Variants in KIF3C observed in about 807,000 individuals in gnomAD.
KIF3C encodes the protein kinesin-like protein KIF3C.
A neutral mutation model predicts 67.7 loss-of-function variants in KIF3C; 12 were observed. That is an observed-to-expected ratio of 0.18 (90% CI 0.11 to 0.29). KIF3C has a LOEUF of 0.29. Among genes scored for constraint, KIF3C ranks in the 10% least tolerant of loss-of-function variants. KIF3C has a pLI of 1.00. For synonymous variants in KIF3C, 393 were observed against 426.2 expected (o/e 0.92, Z 0.96); for missense variants, 789 against 1,059.6 (o/e 0.74, Z 3.55).
In KIF3C at chr2:25,980,509, T is replaced by C. The variant is rs754569210; in HGVS notation, c.1409A>G (p.Glu470Gly). ...YLQEQKERLE[E>G]EKAAIQDDRS... ...GTCATCCTGGATGGCTGCCTTCTCC[T>C]CCTCCAGCCGCTCCTTCTGTTCCTG... Residue 470 changes from glutamate to glycine, a missense_variant, in exon 1 of 8, where the codon GAG becomes GGG. Around this residue, in one of 2 missense-constraint regions of KIF3C, gnomAD observed 648 missense variants for 807.8 expected, o/e 0.80. Coordinates refer to ENST00000264712, the MANE Select transcript of KIF3C (RefSeq NM_002254.8). The surrounding 1 kb of genome is among the most constrained non-coding windows in gnomAD (Gnocchi z 7.6). 1 of 1,614,110 alleles carries C rather than the reference T, an allele frequency of 6.2e-7. No homozygotes were observed. Among genetic ancestry groups the C allele is most frequent in the Non-Finnish European group, 8.5e-7 (1 of 1,180,012 alleles).
intron 5 of KIF3C, among the ~76,000 whole-genome samples, chr2:25,948,172 T>C (rs1663495794): frequency 6.6e-6 from 1 of 151,900 alleles, no homozygotes; most frequent in Non-Finnish European, 1.5e-5. Context: ...CAGTGAGCTG[T>C]GATCACACCA....
intron 1 of KIF3C, among the ~76,000 whole-genome samples, chr2:25,970,247 C>G (rs1473608624): frequency 2.6e-5 from 4 of 152,112 alleles, no homozygotes; most frequent in African/African-American, 7.2e-5. Flanking sequence ...TAACTCTGGC[C>G]CTACCACTTT....
In KIF3C at chr2:25,955,704, A is replaced by G. The variant is rs1341023822; in HGVS notation, c.1648-41T>C. ...GCAGTGTGGCTCAAAGGAGCAGTGC[A>G]TACTCGGGAGGGCCAGGAAAGCTCA... On this transcript the variant is annotated intron_variant, in intron 2 of 7. Coordinates refer to ENST00000264712, the MANE Select transcript of KIF3C (RefSeq NM_002254.8). The surrounding 1 kb of genome is among the most constrained non-coding windows in gnomAD (Gnocchi z 5.0). The G allele has an allele frequency of 1.1e-5, 17 of 1,609,154 alleles. No homozygotes were observed. The highest frequency in any genetic ancestry group is 1.4e-5 in the Non-Finnish European group (17 of 1,176,494).
At position 25,930,012 on chromosome 2, in the gene KIF3C, C is replaced by T. The variant is rs1278818702; in HGVS notation, c.2058G>A (p.Arg686=). 1.2e-6 allele frequency: 2 copies of T among 1,614,136 alleles called. No individual in the cohort carries two copies. Among genetic ancestry groups the T allele is most frequent in the African/African-American group, 2.7e-5 (2 of 75,050 alleles). The stretch of plus-strand genomic sequence containing the variant: ...CAACCCGAGCATACTGGCTGATAGG[C>T]CTCTTGTAGCCCACTGCAGATGTTG... The part of the protein sequence containing the change: ...KRPTSAVGYK[R]PISQYARVAM... Residue 686 remains arginine, a synonymous_variant, in exon 6 of 8, where the codon AGG becomes AGA. Coordinates refer to ENST00000264712, the MANE Select transcript of KIF3C (RefSeq NM_002254.8).
At chr2:25,974,217 G>A (rs1427801875) in intron 1 of KIF3C, among the ~76,000 whole-genome samples, 1 of 151,978 alleles carries the variant, frequency 6.6e-6, no homozygotes, top group Non-Finnish European at 1.5e-5. Context: ...CTACAGACGC[G>A]CGCCACCAAG....
intron 5 of KIF3C, among the ~76,000 whole-genome samples, chr2:25,933,866 C>CAT (rs2149222248): frequency 6.6e-6 from 1 of 152,096 alleles, no homozygotes; most frequent in Non-Finnish European, 1.5e-5. Flanking sequence ...CACTACTAGG[C>CAT]ATATACTCAA....
Position 25,930,051 on chromosome 2 carries a change from C to A in KIF3C, c.2019G>T (p.Gln673His). The change falls in exon 6 of 8, where the codon CAG becomes CAT. Residue 673 changes from glutamine to histidine, a missense_variant. Around this residue, in one of 2 missense-constraint regions of KIF3C, gnomAD observed 648 missense variants for 807.8 expected, o/e 0.80. Coordinates refer to ENST00000264712, the MANE Select transcript of KIF3C (RefSeq NM_002254.8). ...CTGCAGATGTTGGCCGCTTCTTCAT[C>A]TGGCTGCTACTGCTGTAGGAAAGAG... ...PLVPAGVSSS[Q>H]MKKRPTSAVG... is the part of the protein sequence containing the mutation. 1 of 1,613,650 alleles carries A rather than the reference C, an allele frequency of 6.2e-7. No homozygotes were observed. The highest frequency in any genetic ancestry group is 8.5e-7 in the Non-Finnish European group (1 of 1,179,526).
At position 25,929,985 on chromosome 2, in the gene KIF3C, G is replaced by A. The variant is rs551782733; in HGVS notation, c.2085C>T (p.Ala695=). 1 of 1,613,974 alleles carries A rather than the reference G, an allele frequency of 6.2e-7. No individual in the cohort carries two copies. Among genetic ancestry groups the A allele is most frequent in the African/African-American group, 1.3e-5 (1 of 75,040 alleles). The part of the protein sequence containing the change: ...KRPISQYARV[A]MAMGSHPRYR... ...ACCTGGGGTGGGACCCCATTGCCAT[G>A]GCAACCCGAGCATACTGGCTGATAG... Residue 695 remains alanine (A), a synonymous_variant, in exon 6 of 8, where the codon GCC becomes GCT. Transcript: ENST00000264712.
At chr2:25,966,613 G>A (rs977406057) in intron 1 of KIF3C, among the ~76,000 whole-genome samples, 13 of 152,188 alleles carry the variant, frequency 8.5e-5, no homozygotes, top group African/African-American at 2.7e-4. Context: ...AAACCAGAGC[G>A]GGGAGAAAGG....
intron 1 of KIF3C, among the ~76,000 whole-genome samples, chr2:25,967,323 A>G (rs1664168449): frequency 1.3e-5 from 2 of 152,260 alleles, no homozygotes; most frequent in East Asian, 3.9e-4. Flanking sequence ...ATTTGTGGGA[A>G]GGGCCCCTGC....
intron 1 of KIF3C, among the ~76,000 whole-genome samples, chr2:25,970,988 A>AAG (rs1664268702): frequency 7.1e-6 from 1 of 140,896 alleles, no homozygotes; most frequent in African/African-American, 2.7e-5. Flanking sequence ...AAAAAAAAAA[A>AAG]AGGGCCGGGC....
At chr2:25,972,570 C>A (rs1664309686) in intron 1 of KIF3C, among the ~76,000 whole-genome samples, 1 of 152,150 alleles carries the variant, frequency 6.6e-6, no homozygotes, top group Non-Finnish European at 1.5e-5. Flanking sequence ...AGGGTCTGAT[C>A]ATACAGGACT....
chr2:25,952,757 C>T (rs1322024334), intron 4 of KIF3C, among the ~76,000 whole-genome samples: 2 of 151,790 alleles, frequency 1.3e-5, no homozygotes, highest in Non-Finnish European at 2.9e-5. Flanking sequence ...GGGGTTTCAC[C>T]ACGTTGGCCA....
intron 5 of KIF3C, among the ~76,000 whole-genome samples, chr2:25,942,837 A>C (rs1663329393): frequency 6.6e-6 from 1 of 152,212 alleles, no homozygotes; most frequent in African/African-American, 2.4e-5. Flanking sequence ...AAAGGGCTAA[A>C]CTTCCAAAAT....
intron 1 of KIF3C, among the ~76,000 whole-genome samples, chr2:25,959,938 G>A (rs761622302): frequency 2.6e-5 from 4 of 152,152 alleles, no homozygotes; most frequent in African/African-American, 4.8e-5. Flanking sequence ...AGGTCTTCAG[G>A]AGCCTGCTGT....
At chr2:25,960,227 C>T (rs1663912034) in intron 1 of KIF3C, among the ~76,000 whole-genome samples, 5 of 152,008 alleles carry the variant, frequency 3.3e-5, no homozygotes, top group South Asian at 2.1e-4. Context: ...AACATAGCAA[C>T]GCCCTATCTC....
At chr2:25,929,138 T>C (rs925199349) in intron 7 of KIF3C, 67 bp from the exon 8 acceptor site, 2 of 1,473,352 alleles carry the variant, frequency 1.4e-6, no homozygotes, top group Admixed American at 1.7e-5. Flanking sequence ...AAGTGGGTCC[T>C]CTCCTTTGCC....
intron 1 of KIF3C, among the ~76,000 whole-genome samples, chr2:25,962,757 A>AAT (rs1272417499): frequency 4.4e-5 from 5 of 113,236 alleles, no homozygotes; most frequent in South Asian, 2.3e-4. Flanking sequence ...TATATAATAT[A>AAT]ATATATATAT....
intron 4 of KIF3C, 66 bp downstream of exon 4, chr2:25,954,201 G>T: frequency 8.8e-7 from 1 of 1,130,548 alleles, no homozygotes; most frequent in Non-Finnish European, 1.4e-6. Context: ...GGCCTTAGGG[G>T]AGGAGAGGCC....
Sources: allele counts gnomAD v4.1 joint callset (sites outside exome capture counted in the v4.1 genomes callset), GRCh38; gene constraint gnomAD v4.1.1; regional missense constraint gnomAD v4.1.1; non-coding constraint Gnocchi (gnomAD v3.1); transcripts MANE v1.5; gene names NCBI Gene and HGNC (gene_info 2026-07-23, HGNC 2026-07-21).